MUC12: variants seen among roughly 807,000 people sequenced by gnomAD.
The protein encoded by MUC12 is mucin 12, cell surface associated, also known as mucin-12.
A neutral mutation model predicts 230.8 loss-of-function variants in MUC12; 172 were observed. The observed-to-expected ratio is 0.75, with a 90% CI of 0.66 to 0.85. The LOEUF is 0.85. MUC12 is among the 40% of genes least tolerant of loss of function. The probability of loss-of-function intolerance (pLI) is 0.00; values close to 1 mark genes in which losing one functional copy is unlikely to be tolerated. For missense variants in MUC12, 3,506 were observed against 5,920.6 expected (o/e 0.59, Z 13.38); for synonymous variants, 1,259 against 2,401.9 (o/e 0.52, Z 13.91).
chr7:101,016,063 G>A (rs1269005447), intron 10 of MUC12, among the ~76,000 whole-genome samples: 3 of 152,148 alleles, frequency 2.0e-5, no homozygotes, highest in Admixed American at 1.3e-4. Context: ...TCTTGAATAG[G>A]TGAGTAAGCA....
chr7:100,982,303 A>C (rs1231237851), intron 1 of MUC12, among the ~76,000 whole-genome samples: 2 of 151,814 alleles, frequency 1.3e-5, no homozygotes, highest in African/African-American at 4.8e-5. Flanking sequence ...CTCACCCCAA[A>C]CAGACAGTGA....
chr7:101,005,753 T>C (rs1793737701), intron 2 of MUC12, among the ~76,000 whole-genome samples: 1 of 152,150 alleles, frequency 6.6e-6, no homozygotes. Context: ...AGGGTGGTTT[T>C]ATTTATGTAT....
intron 5 of MUC12, among the ~76,000 whole-genome samples, chr7:101,009,600 A>G (rs1434283100): frequency 6.6e-6 from 1 of 152,160 alleles, no homozygotes; most frequent in Admixed American, 6.5e-5. Flanking sequence ...TGGGAGGCCA[A>G]TGGGGGAGGA....
chr7:100,989,828 T>A (rs1324041978), intron 1 of MUC12, among the ~76,000 whole-genome samples: 1 of 151,996 alleles, frequency 6.6e-6, no homozygotes, highest in Non-Finnish European at 1.5e-5. Context: ...GTAGATGGGA[T>A]TACAGGTGTA....
chr7:100,973,179 C>A, intron 1 of MUC12: 1 of 612,286 alleles, frequency 1.6e-6, no homozygotes, highest in Non-Finnish European at 2.9e-6. Flanking sequence ...GAGAGGCACC[C>A]AAAGCTATCC....
Position 100,991,741 on chromosome 7 carries a change from C to T in MUC12, c.1178C>T (p.Thr393Ile), listed in dbSNP as rs1793314305. The T allele has an allele frequency of 1.3e-6, 2 of 1,538,010 alleles. No homozygotes were observed. Residue 393 changes from threonine to isoleucine, a missense_variant, in exon 2 of 12, where the codon ACA (threonine) becomes ATA (isoleucine). Coordinates refer to ENST00000536621, the MANE Select transcript of MUC12 (RefSeq NM_001164462.2). ...SEESATFHGS[T>I]THTKSSTPST... ...GAATCAGCAACTTTCCACGGCAGCACAACACACACAAAATCTTCAACTCCT... is the reference window on the plus strand; with the variant it reads ...GAATCAGCAACTTTCCACGGCAGCATAACACACACAAAATCTTCAACTCCT...
chr7:100,981,469 G>T, intron 1 of MUC12: 1 of 533,358 alleles, frequency 1.9e-6, no homozygotes, highest in East Asian at 3.4e-5. Flanking sequence ...TAGTGAGCAG[G>T]CAAGGGCTGC....
chr7:100,982,663 A>G (rs942562805), intron 1 of MUC12, among the ~76,000 whole-genome samples: 1 of 151,936 alleles, frequency 6.6e-6, no homozygotes, highest in Non-Finnish European at 1.5e-5. Flanking sequence ...TCCTGGGTTC[A>G]AGTAGTCCTC....
Position 100,995,443 on chromosome 7 carries a change from C to G in MUC12, c.4880C>G (p.Ser1627Cys). The G allele has an allele frequency of 6.5e-7, 1 of 1,533,010 alleles. No individual in the cohort carries two copies. The highest frequency in any genetic ancestry group is 8.7e-7 in the Non-Finnish European group (1 of 1,145,016). 95.0% of individuals were successfully genotyped at this position (1,533,010 alleles called of 1,614,324 possible). A position where few individuals can be genotyped will look rare whatever the true frequency, so the allele number is the denominator to read the frequency against. Reference sequence around the variant, plus strand: ...TCCCCTGGCAGTACCACAGCATCATCCCTTGGTCCAGAATCTACTACTTTC... The same window carrying G: ...TCCCCTGGCAGTACCACAGCATCATGCCTTGGTCCAGAATCTACTACTTTC... ...TLSPGSTTASSLGPESTTFHS... is the reference protein window; with the variant it reads ...TLSPGSTTASCLGPESTTFHS... The change falls in exon 2 of 12, where the codon TCC becomes TGC. Residue 1627 changes from serine to cysteine, a missense_variant. By Grantham distance (112) the Ser-to-Cys change is moderately radical. Transcript: ENST00000536621.
rs1445873439 is a variant in MUC12, at chr7:100,995,498, A to T, written c.4935A>T (p.Thr1645=). The part of the protein sequence containing the change: ...FHSSPGSTET[T]LLPDNTTASG... ...GCAGCCCAGGCTCCACTGAAACAAC[A>T]CTCTTACCTGACAACACCACAGCCT... is the stretch of plus-strand genomic sequence containing the variant. Residue 1645 remains threonine, a synonymous_variant, in exon 2 of 12, where the codon ACA becomes ACT. Coordinates refer to ENST00000536621, the MANE Select transcript of MUC12 (RefSeq NM_001164462.2). 6.5e-7 allele frequency: 1 copy of T among 1,534,524 alleles called. No homozygotes were observed. The highest frequency in any genetic ancestry group is 2.0e-5 in the Admixed American group (1 of 50,784).
At chr7:100,975,255 G>A (rs991113306) in intron 1 of MUC12, among the ~76,000 whole-genome samples, 22 of 152,426 alleles carry the variant, frequency 1.4e-4, no homozygotes, top group Middle Eastern at 3.4e-3. Context: ...AATAAGGGTC[G>A]AGGAGGGGAT....
rs1002876575 is a variant in MUC12 at position 101,009,170 on chromosome 7, T to C, written c.15251+11T>C. ...CATTCGGAGATTGCTGTGAGTATAT[T>C]GGGGGGCAGGTTTATAGATGTGGGG... is the stretch of plus-strand genomic sequence containing the variant. On this transcript the variant is annotated intron_variant, in intron 5 of 11. Coordinates refer to ENST00000536621, the MANE Select transcript of MUC12 (RefSeq NM_001164462.2). The C allele has an allele frequency of 6.5e-7, 1 of 1,537,232 alleles. No individual in the cohort carries two copies. Among genetic ancestry groups the C allele is most frequent in the South Asian group, 1.2e-5 (1 of 84,030 alleles).
chr7:100,981,930 G>C lies in MUC12; in HGVS notation c.68-8701G>C, dbSNP rs1386305128. Among the ~76,000 whole-genome samples the C allele has an allele frequency of 2.0e-5, 3 of 148,076 alleles. No homozygotes were observed. The Admixed American group carries it at 2.0e-4, about 10-fold the overall frequency. Reference sequence around the variant, plus strand: ...TGTCCAGACTGGAGTGCAGTGGTGCGATCTCAGCTCACTGCAACCTATGCC... The same window carrying C: ...TGTCCAGACTGGAGTGCAGTGGTGCCATCTCAGCTCACTGCAACCTATGCC... On this transcript the variant is annotated intron_variant, in intron 1 of 11. Coordinates refer to ENST00000536621, the MANE Select transcript of MUC12 (RefSeq NM_001164462.2).
intron 1 of MUC12, among the ~76,000 whole-genome samples, chr7:100,989,776 C>T (rs1234207526): frequency 6.6e-6 from 1 of 151,846 alleles, no homozygotes; most frequent in Non-Finnish European, 1.5e-5. Context: ...CTGCAACCTC[C>T]ACCTCCTGGG....
rs536608170 is a variant in MUC12, at chr7:100,991,044, G to A, written c.481G>A (p.Val161Ile). ...ACCTGCCCGCACGACAAGCTCAGGC[G>A]TCAGTGAAAAATCAACCACCTCCCA... is the stretch of plus-strand genomic sequence containing the variant. ...LSPARTTSSGVSEKSTTSHSR... is the reference protein window; with the variant it reads ...LSPARTTSSGISEKSTTSHSR... Residue 161 changes from valine (V) to isoleucine (I), a missense_variant, in exon 2 of 12, where the codon GTC (valine) becomes ATC (isoleucine). Val to Ile is a conservative substitution (Grantham distance 29, BLOSUM62 3). Transcript: ENST00000536621. 4.6e-5 allele frequency: 70 copies of A among 1,537,400 alleles called. No individual in the cohort carries two copies. The highest frequency in any genetic ancestry group is 5.2e-5 in the Non-Finnish European group (60 of 1,146,834).
At chr7:100,973,142 G>T (rs1466119805) in intron 1 of MUC12, 1 of 645,950 alleles carries the variant, frequency 1.5e-6, no homozygotes, top group East Asian at 2.7e-5. Flanking sequence ...TGCCTCTGTA[G>T]GGCAGACCAG....
intron 10 of MUC12, 172 bp from the exon 11 acceptor site, chr7:101,017,403 C>T: frequency 1.7e-6 from 1 of 587,460 alleles, no homozygotes. Context: ...CCCAGGCAGG[C>T]TCTGCACTTA....
rs375163892 is a variant in MUC12, at chr7:101,005,331, G to A, written c.14768G>A (p.Arg4923His). The A allele has an allele frequency of 2.5e-5, 39 of 1,537,684 alleles. No individual in the cohort carries two copies. Among genetic ancestry groups the A allele is most frequent in the Admixed American group, 1.4e-4 (7 of 50,966 alleles). Residue 4923 changes from arginine (R) to histidine (H), a missense_variant, in exon 2 of 12, where the codon CGC becomes CAC. Transcript: ENST00000536621. The part of the protein sequence containing the change: ...DATGTTPLPA[R>H]STASDLVGEP... ...ACTGGAACAACACCCTTACCTGCCC[G>A]CTCCACAGCCTCAGACCTTGTTGGA...
intron 8 of MUC12, 21 bp downstream of exon 8, chr7:101,013,163 A>G (rs754068690): frequency 6.5e-7 from 1 of 1,536,970 alleles, no homozygotes; most frequent in South Asian, 1.2e-5. Context: ...CCATAAGCCC[A>G]GCACCCACTC....
Sources: gnomAD v4.1 joint callset for allele counts (sites outside exome capture counted in the v4.1 genomes callset) on GRCh38, gnomAD v4.1.1 for gene constraint, MANE v1.5 for transcripts, NCBI Gene and HGNC (gene_info 2026-07-23, HGNC 2026-07-21) for gene names.